Variants in ZNF385B observed in about 807,000 individuals in gnomAD.
The protein encoded by ZNF385B is zinc finger protein 385B, also known as zinc finger protein 533.
ZNF385B carries 23 observed loss-of-function variants against 39.2 expected under a neutral mutation model. The ratio of observed to expected loss-of-function variants is 0.59; its 90% CI spans 0.42 to 0.83. The LOEUF is 0.83. Ranked by LOEUF, ZNF385B falls within the 40% of genes least tolerant of loss-of-function variation. The pLI is 0.00. For missense variants in ZNF385B, 552 were observed against 598.9 expected (o/e 0.92, Z 0.82); for synonymous variants, 205 against 222.6 (o/e 0.92, Z 0.70).
chr2:179,819,568 C>T (rs1448251152), intron 1 of ZNF385B, among the ~76,000 whole-genome samples: 1 of 152,112 alleles, frequency 6.6e-6, no homozygotes, highest in Non-Finnish European at 1.5e-5. Context: ...CAATGCTGTC[C>T]CAGAAGATAA....
chr2:179,776,700 G>A (rs977476359), intron 1 of ZNF385B, among the ~76,000 whole-genome samples: 1 of 152,120 alleles, frequency 6.6e-6, no homozygotes, highest in Non-Finnish European at 1.5e-5. Context: ...AACAAGGAAG[G>A]CAGTGGTCCA....
chr2:179,667,081 A>G (rs1695258610), intron 3 of ZNF385B, among the ~76,000 whole-genome samples: 1 of 152,198 alleles, frequency 6.6e-6, no homozygotes, highest in South Asian at 2.1e-4. Context: ...GTTTGGTGGC[A>G]TAATACAATT....
chr2:179,558,000 A>G (rs1308119160), intron 3 of ZNF385B, among the ~76,000 whole-genome samples: 1 of 152,116 alleles, frequency 6.6e-6, no homozygotes, highest in Non-Finnish European at 1.5e-5. Context: ...GTTTTGATCA[A>G]TATAACTAAT....
intron 3 of ZNF385B, among the ~76,000 whole-genome samples, chr2:179,763,218 T>C (rs898820312): frequency 2.0e-5 from 3 of 152,184 alleles, no homozygotes; most frequent in Non-Finnish European, 4.4e-5. Context: ...TAGTCTATTT[T>C]TATTTTAGTT....
chr2:179,710,564 C>T (rs994278026), intron 3 of ZNF385B, among the ~76,000 whole-genome samples: 2 of 152,180 alleles, frequency 1.3e-5, no homozygotes, highest in Admixed American at 6.5e-5. Flanking sequence ...TTATTCTGTC[C>T]TCCTACCATG....
chr2:179,650,091 A>G (rs976598779), intron 3 of ZNF385B, among the ~76,000 whole-genome samples: 3 of 152,242 alleles, frequency 2.0e-5, no homozygotes, highest in Non-Finnish European at 2.9e-5. Flanking sequence ...TGCATAAGCC[A>G]GTACCTCATA....
chr2:179,826,135 G>A (rs763137324), intron 1 of ZNF385B, among the ~76,000 whole-genome samples: 18 of 152,120 alleles, frequency 1.2e-4, no homozygotes, highest in Middle Eastern at 3.2e-3. Flanking sequence ...AACAGCTGTC[G>A]AAAATTCAGC....
intron 4 of ZNF385B, among the ~76,000 whole-genome samples, chr2:179,528,140 A>G (rs1341273700): frequency 6.6e-6 from 1 of 152,230 alleles, no homozygotes; most frequent in East Asian, 1.9e-4. Flanking sequence ...CCAGACTCAT[A>G]CAAGTGGTAA....
intron 1 of ZNF385B, among the ~76,000 whole-genome samples, chr2:179,830,145 A>G (rs1170917835): frequency 6.6e-6 from 1 of 152,248 alleles, no homozygotes; most frequent in East Asian, 1.9e-4. Flanking sequence ...TGCAAATTAA[A>G]ACAACAAAGA....
intron 3 of ZNF385B, among the ~76,000 whole-genome samples, chr2:179,731,822 T>C (rs1701412453): frequency 6.6e-6 from 1 of 152,180 alleles, no homozygotes; most frequent in South Asian, 2.1e-4. Context: ...GTTTCCCAGC[T>C]GATTCTAACA....
rs568508472 is a variant in ZNF385B at position 179,610,164 on chromosome 2, A to C, written c.299-65195T>G. 6.6e-5 allele frequency among the ~76,000 whole-genome samples: 10 copies of C among 152,032 alleles called. No homozygotes were observed. The South Asian group carries it at 2.1e-3, about 32-fold the overall frequency. ...TCCATTGTCTTGGATAGTTTCCCCTATGTTTTATTTTACTAGTTTCATAGG... is the reference window on the plus strand; with the variant it reads ...TCCATTGTCTTGGATAGTTTCCCCTCTGTTTTATTTTACTAGTTTCATAGG... On this transcript the variant is annotated intron_variant, in intron 3 of 9. Coordinates refer to ENST00000410066, the MANE Select transcript of ZNF385B (RefSeq NM_152520.6).
chr2:179,654,294 A>G (rs1443929580), intron 3 of ZNF385B, among the ~76,000 whole-genome samples: 3 of 152,166 alleles, frequency 2.0e-5, no homozygotes, highest in Admixed American at 6.6e-5. Context: ...AGAGTAAAAC[A>G]TTAAGAAGTT....
At chr2:179,466,915 C>CAA (rs777679885) in intron 6 of ZNF385B, among the ~76,000 whole-genome samples, 6,134 of 26,848 alleles carry the variant, frequency 0.23, 1,747 homozygotes, top group East Asian at 0.44. Context: ...GCAAGACTGT[C>CAA]AAAAAAAAAA....
chr2:179,822,797 A>C (rs1707479121), intron 1 of ZNF385B, among the ~76,000 whole-genome samples: 1 of 152,230 alleles, frequency 6.6e-6, no homozygotes, highest in Admixed American at 6.5e-5. Flanking sequence ...TTGCACACAA[A>C]AATAAACACA....
At chr2:179,671,150 A>G (rs1404859652) in intron 3 of ZNF385B, among the ~76,000 whole-genome samples, 1 of 152,226 alleles carries the variant, frequency 6.6e-6, no homozygotes, top group Admixed American at 6.5e-5. Flanking sequence ...TCTATTTGAG[A>G]TGGTTCTGGC....
At chr2:179,517,180 A>C (rs1383998407) in intron 5 of ZNF385B, among the ~76,000 whole-genome samples, 1 of 151,894 alleles carries the variant, frequency 6.6e-6, no homozygotes, top group Non-Finnish European at 1.5e-5. Context: ...GGAAGCATTA[A>C]GTCTTCAAAA....
chr2:179,636,795 C>T (rs905298394), intron 3 of ZNF385B, among the ~76,000 whole-genome samples: 1 of 152,096 alleles, frequency 6.6e-6, no homozygotes, highest in African/African-American at 2.4e-5. Flanking sequence ...TGACTGCATC[C>T]TCAGGAGTCC....
chr2:179,529,398 A>G (rs1372233224), intron 4 of ZNF385B, among the ~76,000 whole-genome samples: 1 of 152,210 alleles, frequency 6.6e-6, no homozygotes, highest in Admixed American at 6.5e-5. Flanking sequence ...CAGGATGCTA[A>G]GAAAGTTCTT....
intron 3 of ZNF385B, among the ~76,000 whole-genome samples, chr2:179,746,898 T>C (rs1702414704): frequency 6.6e-6 from 1 of 152,016 alleles, no homozygotes; most frequent in Admixed American, 6.6e-5. Context: ...GCATGCAAAC[T>C]GCAAAGCAAA....
Sources: allele counts gnomAD v4.1 joint callset (sites outside exome capture counted in the v4.1 genomes callset), GRCh38; gene constraint gnomAD v4.1.1; transcripts MANE v1.5; gene names NCBI Gene and HGNC (gene_info 2026-07-23, HGNC 2026-07-21).